Variants in FRMD4A observed in about 807,000 individuals in gnomAD.
FRMD4A encodes FERM domain-containing protein 4A.
In FRMD4A, 29 loss-of-function variants were observed where a neutral mutation model predicts 129.1. The observed-to-expected ratio is 0.22, with a 90% CI of 0.17 to 0.31. The LOEUF is 0.31. FRMD4A is among the 10% of genes least tolerant of loss of function. The pLI is 1.00. For synonymous variants in FRMD4A, 634 were observed against 571.6 expected (o/e 1.11, Z -1.56); for missense variants, 1,272 against 1,375.8 (o/e 0.92, Z 1.19).
chr10:13,886,812 C>A (rs958370885), intron 2 of FRMD4A, among the ~76,000 whole-genome samples: 1 of 152,142 alleles, frequency 6.6e-6, no homozygotes, highest in Non-Finnish European at 1.5e-5. Context: ...ACTCACTCAG[C>A]GATTTGCTTA....
intron 2 of FRMD4A, among the ~76,000 whole-genome samples, chr10:14,301,255 C>T (rs1208142815): frequency 2.6e-5 from 4 of 152,166 alleles, no homozygotes; most frequent in African/African-American, 4.8e-5. Flanking sequence ...TAATCTGTAT[C>T]GTTCCCCTGG....
chr10:14,301,461 G>A (rs758428218), intron 2 of FRMD4A, among the ~76,000 whole-genome samples: 6 of 152,050 alleles, frequency 3.9e-5, no homozygotes, highest in Non-Finnish European at 8.8e-5. Context: ...CAGAAGGCAG[G>A]GTGTGAGACA....
At chr10:13,799,742 G>T (rs1478737546) in intron 4 of FRMD4A, among the ~76,000 whole-genome samples, 1 of 152,116 alleles carries the variant, frequency 6.6e-6, no homozygotes, top group African/African-American at 2.4e-5. Flanking sequence ...TAGCCATTGT[G>T]CAAGGCTGAG....
chr10:13,659,566 A>T, intron 20 of FRMD4A, 76 bp from the exon 21 acceptor site: 3 of 1,428,726 alleles, frequency 2.1e-6, no homozygotes, highest in Non-Finnish European at 2.9e-6. Context: ...AGTTCAGGAC[A>T]ATGATCCCAG....
In FRMD4A at chr10:14,086,203, T is replaced by G. The variant is rs1186687444; in HGVS notation, c.46-227291A>C. ...TATGCTGATTAATTTAATTATCTGT[T>G]TAACTAAAGGCTAAACAGAAAGCTT... On this transcript the variant is annotated intron_variant, in intron 2 of 24. Transcript: ENST00000357447. Among the ~76,000 whole-genome samples, 4 of 152,212 alleles carry G rather than the reference T, an allele frequency of 2.6e-5. No homozygotes were observed. In the East Asian group the frequency reaches 7.7e-4, roughly 29 times the overall value.
At chr10:13,765,998 A>G (rs1043504042) in intron 6 of FRMD4A, among the ~76,000 whole-genome samples, 1 of 152,226 alleles carries the variant, frequency 6.6e-6, no homozygotes, top group African/African-American at 2.4e-5. Flanking sequence ...TCTGATGCGC[A>G]ACTCAAAACC....
intron 12 of FRMD4A, among the ~76,000 whole-genome samples, chr10:13,711,087 G>T (rs2087968298): frequency 6.6e-6 from 1 of 152,212 alleles, no homozygotes; most frequent in Admixed American, 6.5e-5. Context: ...AGCCTGATCT[G>T]ACTTCTCTTC....
intron 12 of FRMD4A, chr10:13,707,559 T>C (rs770357723): frequency 3.0e-5 from 30 of 993,578 alleles, no homozygotes; most frequent in Non-Finnish European, 3.1e-5. Flanking sequence ...CTGCGTGGAG[T>C]GCTGAACTGA....
intron 2 of FRMD4A, among the ~76,000 whole-genome samples, chr10:13,949,748 A>AG (rs1480218176): frequency 6.6e-6 from 1 of 152,242 alleles, no homozygotes; most frequent in Non-Finnish European, 1.5e-5. Flanking sequence ...ACTAAGAGCC[A>AG]GAGTGTGTAA....
At chr10:14,250,452 G>A (rs1033598317) in intron 2 of FRMD4A, among the ~76,000 whole-genome samples, 1 of 152,158 alleles carries the variant, frequency 6.6e-6, no homozygotes, top group South Asian at 2.1e-4. Context: ...CCTATAAAAG[G>A]ATTTTCCAAT....
intron 2 of FRMD4A, among the ~76,000 whole-genome samples, chr10:14,003,990 T>C (rs2095652383): frequency 6.6e-6 from 1 of 152,256 alleles, no homozygotes; most frequent in African/African-American, 2.4e-5. Context: ...ACTTCTGGAA[T>C]AAAAACCATC....
chr10:13,980,943 A>G (rs1204560360), intron 2 of FRMD4A, among the ~76,000 whole-genome samples: 1 of 152,188 alleles, frequency 6.6e-6, no homozygotes, highest in Non-Finnish European at 1.5e-5. Flanking sequence ...CCAAGTGAGT[A>G]AGAAAAAAAT....
At chr10:13,878,350 T>C (rs1002985765) in intron 2 of FRMD4A, among the ~76,000 whole-genome samples, 2 of 152,204 alleles carry the variant, frequency 1.3e-5, no homozygotes, top group Non-Finnish European at 1.5e-5. Flanking sequence ...TCCTGATCTT[T>C]GCACTTTCCT....
chr10:14,159,328 A>G (rs1282773335), intron 2 of FRMD4A, among the ~76,000 whole-genome samples: 1 of 152,212 alleles, frequency 6.6e-6, no homozygotes, highest in Non-Finnish European at 1.5e-5. Context: ...CCAATAATGA[A>G]GTCGCTGAAA....
intron 2 of FRMD4A, among the ~76,000 whole-genome samples, chr10:14,080,686 C>G (rs1208703660): frequency 2.0e-5 from 3 of 151,902 alleles, no homozygotes; most frequent in Admixed American, 2.0e-4. Context: ...GATGAGGAAA[C>G]TGAAGACTGC....
chr10:13,913,659 C>T (rs75410403), intron 2 of FRMD4A, among the ~76,000 whole-genome samples: 1 of 152,156 alleles, frequency 6.6e-6, no homozygotes, highest in South Asian at 2.1e-4. Context: ...CATGCCAGGA[C>T]CTCAGTAGAT....
intron 2 of FRMD4A, among the ~76,000 whole-genome samples, chr10:14,196,737 T>A (rs1422306608): frequency 6.6e-6 from 1 of 152,218 alleles, no homozygotes; most frequent in East Asian, 1.9e-4. Flanking sequence ...ATAGAAATCA[T>A]TCAATAAATG....
intron 2 of FRMD4A, among the ~76,000 whole-genome samples, chr10:13,878,368 C>T (rs990330103): frequency 6.6e-6 from 1 of 152,148 alleles, no homozygotes; most frequent in Non-Finnish European, 1.5e-5. Flanking sequence ...CCTGGTTTAA[C>T]CAGTGACACT....
chr10:14,246,079 G>T (rs964226163), intron 2 of FRMD4A, among the ~76,000 whole-genome samples: 1 of 152,140 alleles, frequency 6.6e-6, no homozygotes, highest in African/African-American at 2.4e-5. Context: ...ACTGCGAGGG[G>T]CTCCTCAGAT....
Sources: allele counts gnomAD v4.1 joint callset (sites outside exome capture counted in the v4.1 genomes callset), GRCh38; gene constraint gnomAD v4.1.1; transcripts MANE v1.5; gene names NCBI Gene and HGNC (gene_info 2026-07-23, HGNC 2026-07-21).